PECAM1: variants seen among roughly 807,000 people sequenced by gnomAD.
PECAM1 encodes the protein platelet endothelial cell adhesion molecule.
PECAM1 carries 8 observed loss-of-function variants against 13.8 expected under a neutral mutation model. That is an observed-to-expected ratio of 0.58 (90% CI 0.34 to 1.05). The LOEUF is 1.05. Ranked by LOEUF, PECAM1 falls within the 50% of genes least tolerant of loss-of-function variation. The pLI is 0.03. For synonymous variants in PECAM1, 136 were observed against 52.6 expected (o/e 2.58, Z -6.86); for missense variants, 304 against 141.2 (o/e 2.15, Z -5.84).
intron 5 of PECAM1, among the ~76,000 whole-genome samples, chr17:64,368,200 C>T (rs985589170): frequency 6.6e-5 from 10 of 152,130 alleles, no homozygotes; most frequent in African/African-American, 1.9e-4. Context: ...TCCTGTGTGC[C>T]GGGCACTGTT....
intron 12 of PECAM1, 64 bp from the exon 13 acceptor site, chr17:64,348,386 T>C: frequency 2.1e-6 from 1 of 466,794 alleles, no homozygotes; most frequent in Non-Finnish European, 3.9e-6. Flanking sequence ...CCTCAGATCA[T>C]AGAAGTAGAG....
chr17:64,344,895 G>A (rs1025439596), intron 13 of PECAM1, among the ~76,000 whole-genome samples: 1 of 152,150 alleles, frequency 6.6e-6, no homozygotes, highest in Admixed American at 6.5e-5. Flanking sequence ...CACAGCTTTT[G>A]TGCAAATGGG....
At chr17:64,327,709 G>A (rs1555645949) in intron 15 of PECAM1, among the ~76,000 whole-genome samples, 1 of 152,194 alleles carries the variant, frequency 6.6e-6, no homozygotes, top group Non-Finnish European at 1.5e-5. Flanking sequence ...AAAAATGGCA[G>A]AGGAAAAATG....
At position 64,360,314 on chromosome 17, in the gene PECAM1, T is replaced by C; in HGVS notation, c.1318A>G (p.Ile440Val). Residue 440 changes from isoleucine to valine, a missense_variant, in exon 7 of 16, where the codon ATT (isoleucine) becomes GTT (valine). Physicochemically the swap from Ile to Val is conservative, Grantham distance 29. Transcript: ENST00000563924. ...RCESISGTLP[I>V]SYQLLKTSKV... ...CTTGTTTTTAAAAGTTGGTAAGAAATAGGCAAAGTTCCACTGATCGATTCG... is the reference window on the plus strand; with the variant it reads ...CTTGTTTTTAAAAGTTGGTAAGAAACAGGCAAAGTTCCACTGATCGATTCG... 2.1e-6 allele frequency: 1 copy of C among 475,394 alleles called. No individual in the cohort carries two copies. Among genetic ancestry groups the C allele is most frequent in the African/African-American group, 2.0e-5 (1 of 50,646 alleles). The allele number at this position is 475,394 out of a possible 1,614,324, so 29.4% of individuals were successfully genotyped here. A position where few individuals can be genotyped will look rare whatever the true frequency, so the allele number is the denominator to read the frequency against.
chr17:64,370,976 C>T (rs1033532434), intron 4 of PECAM1, among the ~76,000 whole-genome samples: 5,971 of 152,180 alleles, frequency 0.039, 390 homozygotes, highest in African/African-American at 0.14. Context: ...TAATAGCCTG[C>T]CTTCTCAAAT....
chr17:64,369,637 T>G, intron 5 of PECAM1, 113 bp downstream of exon 5: 1 of 397,408 alleles, frequency 2.5e-6, no homozygotes, highest in Non-Finnish European at 4.4e-6. Flanking sequence ...GCACATTCAT[T>G]CAGATAAGCA....
At chr17:64,374,958 G>A in intron 4 of PECAM1, 93 bp downstream of exon 4, 1 of 422,430 alleles carries the variant, frequency 2.4e-6, no homozygotes, top group Non-Finnish European at 4.3e-6. Flanking sequence ...CTTAAGTCCT[G>A]AGAACAGCAG....
rs2035307688 is a variant in PECAM1, at chr17:64,337,424, G to A, written c.2164+4210C>T. 2.0e-5 allele frequency among the ~76,000 whole-genome samples: 3 copies of A among 152,288 alleles called. No homozygotes were observed. In the South Asian group the frequency reaches 6.2e-4, roughly 32 times the overall value. ...GTGTTTTTAAACTGAAATTGATTAA[G>A]TGCTCACTCTGTGGCAGGGATAATA... On this transcript the variant is annotated intron_variant, in intron 14 of 15. Transcript: ENST00000563924.
chr17:64,383,101 T>C (rs1404460834), intron 2 of PECAM1, among the ~76,000 whole-genome samples: 1 of 152,158 alleles, frequency 6.6e-6, no homozygotes, highest in Non-Finnish European at 1.5e-5. Flanking sequence ...AAGCGACTTC[T>C]CCAGCCTCCC....
At chr17:64,345,363 C>T (rs1435244008) in intron 13 of PECAM1, among the ~76,000 whole-genome samples, 2 of 152,088 alleles carry the variant, frequency 1.3e-5, no homozygotes, top group Non-Finnish European at 1.5e-5. Context: ...GTGCTGCCTG[C>T]GTAGGGCCTT....
chr17:64,370,098 T>C (rs1210944794), intron 4 of PECAM1, 73 bp from the exon 5 acceptor site: 4 of 398,236 alleles, frequency 1.0e-5, no homozygotes, highest in East Asian at 7.1e-5. Context: ...CTGCTCTTTT[T>C]GCTGCTTCCC....
At chr17:64,325,179 G>T (rs2034913216) in intron 15 of PECAM1, among the ~76,000 whole-genome samples, 1 of 150,876 alleles carries the variant, frequency 6.6e-6, no homozygotes. Flanking sequence ...ATGAGGTCAG[G>T]AGTTCAAGAC....
chr17:64,362,525 G>A (rs2036007323), intron 6 of PECAM1, among the ~76,000 whole-genome samples: 2 of 152,228 alleles, frequency 1.3e-5, no homozygotes, highest in South Asian at 2.1e-4. Flanking sequence ...GGTTGCGGGT[G>A]CCTGTAGTCC....
chr17:64,356,473 A>T, intron 7 of PECAM1, 75 bp from the exon 8 acceptor site: 1 of 412,154 alleles, frequency 2.4e-6, no homozygotes, highest in Admixed American at 4.4e-5. Context: ...CCACTGCTCA[A>T]CTTTTTTTTT....
At chr17:64,366,249 A>C (rs2036102111) in intron 5 of PECAM1, among the ~76,000 whole-genome samples, 2 of 151,786 alleles carry the variant, frequency 1.3e-5, no homozygotes, top group African/African-American at 4.8e-5. Flanking sequence ...GCCATCAGAG[A>C]AATGCAAATC....
At position 64,360,171 on chromosome 17, in the gene PECAM1, C is replaced by T. The variant is rs2035939984; in HGVS notation, c.1461G>A (p.Met487Ile). ...CCTTCACCCTCAGAACCTCACTTAA[C>T]ATTTTGGCATGGGAATGGCAATTAT... is the stretch of plus-strand genomic sequence containing the variant. Reference protein sequence around the residue: ...VADNCHSHAKMLSEVLRVKVI... With the variant: ...VADNCHSHAKILSEVLRVKVI... The change falls in exon 7 of 16, where the codon ATG becomes ATA. Residue 487 changes from methionine to isoleucine, a missense_variant. By Grantham distance (10) the Met-to-Ile change is conservative (BLOSUM62 1). Coordinates refer to ENST00000563924, the MANE Select transcript of PECAM1 (RefSeq NM_000442.5). 6.3e-6 allele frequency: 3 copies of T among 475,284 alleles called. No individual in the cohort carries two copies. Among genetic ancestry groups the T allele is most frequent in the Non-Finnish European group, 1.2e-5 (3 of 259,070 alleles). The allele number at this position is 475,284 out of a possible 1,614,324, so 29.4% of individuals were successfully genotyped here.
chr17:64,354,909 AT>A, intron 9 of PECAM1, 23 bp downstream of exon 9: 1 of 475,298 alleles, frequency 2.1e-6, no homozygotes, highest in Non-Finnish European at 3.9e-6. Flanking sequence ...ACCAGTCAGT[AT>A]GGAAGGAAAG....
chr17:64,328,979 T>A lies in PECAM1; in HGVS notation c.2187+721A>T, dbSNP rs561189669. Among the ~76,000 whole-genome samples the A allele has an allele frequency of 2.6e-5, 4 of 152,180 alleles. No individual in the cohort carries two copies. The South Asian group carries it at 8.3e-4, about 32-fold the overall frequency. On this transcript the variant is annotated intron_variant, in intron 15 of 15. Coordinates refer to ENST00000563924, the MANE Select transcript of PECAM1 (RefSeq NM_000442.5). ...GAAGCTTCTTAACAAGGCATGTAAA[T>A]CCTTTGGATTTAAGCCCTGACTTAT...
At chr17:64,349,658 G>A (rs937142786) in intron 12 of PECAM1, among the ~76,000 whole-genome samples, 32 of 151,550 alleles carry the variant, frequency 2.1e-4, no homozygotes, top group African/African-American at 7.5e-4. Context: ...AGGCCAAGGT[G>A]GGCAGATAAC....
Sources: gnomAD v4.1 joint callset for allele counts (sites outside exome capture counted in the v4.1 genomes callset) on GRCh38, gnomAD v4.1.1 for gene constraint, MANE v1.5 for transcripts, NCBI Gene and HGNC (gene_info 2026-07-23, HGNC 2026-07-21) for gene names.